TMEM232: variants seen among roughly 807,000 people sequenced by gnomAD.
The protein encoded by TMEM232 is transmembrane protein 232.
Under a neutral mutation model 78.8 loss-of-function variants are expected in TMEM232, and 80 were observed. The ratio of observed to expected loss-of-function variants is 1.01; its 90% confidence interval spans 0.85 to 1.22. The LOEUF (loss-of-function observed/expected upper bound fraction) is 1.22, where lower values mean the gene tolerates loss of function less well. Among genes scored for constraint, TMEM232 ranks in the 50% most tolerant of loss-of-function variants. The pLI, the probability that TMEM232 is intolerant of heterozygous loss-of-function variation, is 0.00. For synonymous variants in TMEM232, 297 were observed against 254.3 expected (o/e 1.17, Z -1.60); for missense variants, 881 against 742.2 (o/e 1.19, Z -2.17).
intron 10 of TMEM232, among the ~76,000 whole-genome samples, chr5:110,592,166 G>A (rs527501573): frequency 6.6e-6 from 1 of 152,186 alleles, no homozygotes; most frequent in Non-Finnish European, 1.5e-5. Flanking sequence ...GCTTTTCTTG[G>A]TAGTGACTTA....
At chr5:110,478,619 G>C (rs1763517603) in intron 12 of TMEM232, among the ~76,000 whole-genome samples, 1 of 151,794 alleles carries the variant, frequency 6.6e-6, no homozygotes. Flanking sequence ...AACGTGAAGT[G>C]GAAGATAGAA....
At chr5:110,419,036 A>G (rs190666914), downstream of TMEM232, among the ~76,000 whole-genome samples, 547 of 152,208 alleles carry the variant, frequency 3.6e-3, 3 homozygotes, top group African/African-American at 0.012. Flanking sequence ...AGGATGGGAG[A>G]AAATTGAAAC....
At chr5:110,595,193 G>A (rs143796262) in intron 10 of TMEM232, among the ~76,000 whole-genome samples, 2,778 of 152,308 alleles carry the variant, frequency 0.018, 44 homozygotes, top group South Asian at 0.052. Flanking sequence ...CTGACTGTTA[G>A]AAGGAAAACT....
chr5:110,511,097 T>C (rs1193672821), intron 12 of TMEM232, among the ~76,000 whole-genome samples: 1 of 152,170 alleles, frequency 6.6e-6, no homozygotes, highest in Non-Finnish European at 1.5e-5. Context: ...ATATACACCA[T>C]GGACTACTAT....
chr5:110,659,850 T>TAAAAAAAAAA (rs1164345433), intron 2 of TMEM232, among the ~76,000 whole-genome samples: 93 of 151,992 alleles, frequency 6.1e-4, no homozygotes, highest in African/African-American at 2.1e-3. Context: ...CAGATCAGAA[T>TAAAAAAAAAA]AAAATGTTCA....
At chr5:110,623,784 G>T (rs571140133) in intron 7 of TMEM232, among the ~76,000 whole-genome samples, 32 of 152,236 alleles carry the variant, frequency 2.1e-4, no homozygotes, top group African/African-American at 7.2e-4. Context: ...CAATAAACCT[G>T]ATAGGTCAAA....
chr5:110,468,146 A>G (rs1762286901), intron 12 of TMEM232, among the ~76,000 whole-genome samples: 1 of 150,782 alleles, frequency 6.6e-6, no homozygotes. Context: ...AATAAAAAAA[A>G]GATATATTAC....
intron 2 of TMEM232, among the ~76,000 whole-genome samples, chr5:110,644,568 C>T (rs556011346): frequency 1.3e-5 from 2 of 151,740 alleles, no homozygotes; most frequent in Admixed American, 1.3e-4. Context: ...CACAAACCAA[C>T]CAACCTATAT....
At chr5:110,406,261 T>TACACAC (rs763984190) in intron 2 of TMEM232, among the ~76,000 whole-genome samples, 1 of 53,394 alleles carries the variant, frequency 1.9e-5, no homozygotes, top group Non-Finnish European at 3.3e-5. Context: ...GACACAGATA[T>TACACAC]ATATACACAC....
chr5:110,645,395 T>G (rs1157035872), intron 2 of TMEM232, among the ~76,000 whole-genome samples: 1 of 150,170 alleles, frequency 6.7e-6, no homozygotes, highest in Non-Finnish European at 1.5e-5. Flanking sequence ...GTGAGATTTA[T>G]CCATGGAGTA....
chr5:110,402,749 A>G (rs527287574), intron 2 of TMEM232, among the ~76,000 whole-genome samples: 21 of 152,216 alleles, frequency 1.4e-4, no homozygotes, highest in African/African-American at 5.1e-4. Flanking sequence ...CAAGACTCAA[A>G]GTCCAGATGT....
intron 3 of TMEM232, among the ~76,000 whole-genome samples, chr5:110,391,332 A>T (rs1476584938): frequency 5.1e-5 from 7 of 138,016 alleles, no homozygotes; most frequent in East Asian, 2.2e-4. Context: ...TGTGTGAGAG[A>T]GAGAGAGAGA....
chr5:110,408,526 A>C (rs1389925978), intron 2 of TMEM232, among the ~76,000 whole-genome samples: 3 of 152,032 alleles, frequency 2.0e-5, no homozygotes, highest in East Asian at 3.9e-4. Flanking sequence ...CAGGAGAAAG[A>C]GGTTGCAGTG....
chr5:110,411,783 G>A (rs1437136794), intron 2 of TMEM232, among the ~76,000 whole-genome samples: 3 of 152,132 alleles, frequency 2.0e-5, no homozygotes, highest in East Asian at 3.9e-4. Flanking sequence ...TTTAAAGGCT[G>A]AGTAATATTC....
At chr5:110,431,038 A>G (rs1411211282) in intron 12 of TMEM232, among the ~76,000 whole-genome samples, 2 of 151,692 alleles carry the variant, frequency 1.3e-5, no homozygotes, top group African/African-American at 2.4e-5. Flanking sequence ...TTGAGAAGCC[A>G]GGAGAGTACT....
intron 2 of TMEM232, among the ~76,000 whole-genome samples, chr5:110,660,336 A>G (rs1789616443): frequency 6.6e-6 from 1 of 152,132 alleles, no homozygotes; most frequent in African/African-American, 2.4e-5. Context: ...ATTTATGTTC[A>G]GTTTTAAACA....
chr5:110,677,150 G>A (rs140892501), intron 1 of TMEM232, among the ~76,000 whole-genome samples: 30 of 152,238 alleles, frequency 2.0e-4, no homozygotes, highest in Non-Finnish European at 2.8e-4. Context: ...TAGTGATGCA[G>A]AGCATCTTTT....
intron 2 of TMEM232, among the ~76,000 whole-genome samples, chr5:110,404,716 G>T (rs1160913307): frequency 6.6e-6 from 1 of 152,042 alleles, no homozygotes; most frequent in Non-Finnish European, 1.5e-5. Flanking sequence ...GGGCGAAAAA[G>T]GAATTGTAGA....
chr5:110,623,460 C>T (rs1487728642), intron 7 of TMEM232, among the ~76,000 whole-genome samples: 2 of 152,234 alleles, frequency 1.3e-5, no homozygotes, highest in East Asian at 1.9e-4. Flanking sequence ...CTATAATATA[C>T]TAAAACAATC....
Sources: gnomAD v4.1 joint callset for allele counts (sites outside exome capture counted in the v4.1 genomes callset) on GRCh38, gnomAD v4.1.1 for gene constraint, MANE v1.5 for transcripts, NCBI Gene and HGNC (gene_info 2026-07-23, HGNC 2026-07-21) for gene names.